DNAH9: variants seen among roughly 807,000 people sequenced by gnomAD.
DNAH9 encodes DNAH9 variant protein.
DNAH9 carries 345 observed loss-of-function variants against 471.6 expected under a neutral mutation model. The ratio of observed to expected loss-of-function variants is 0.73; its 90% CI spans 0.67 to 0.80. The LOEUF (loss-of-function observed/expected upper bound fraction) is 0.80. Ranked by LOEUF, DNAH9 falls within the 30% of genes least tolerant of loss-of-function variation. The probability of loss-of-function intolerance (pLI) is 0.00; values close to 1 mark genes in which losing one functional copy is unlikely to be tolerated. For missense variants in DNAH9, 5,407 were observed against 5,609.2 expected, an observed-to-expected ratio of 0.96 and a Z score of 1.15; for synonymous variants, 2,093 against 2,123.6, an observed-to-expected ratio of 0.99 and a Z score of 0.40.
At chr17:11,781,604 C>T (rs1968667401) in intron 39 of DNAH9, among the ~76,000 whole-genome samples, 1 of 151,926 alleles carries the variant, frequency 6.6e-6, no homozygotes, top group East Asian at 1.9e-4. Flanking sequence ...GAGGCTAAGG[C>T]GGGTGGATCA....
At chr17:11,668,669 A>G (rs1348257980) in intron 15 of DNAH9, among the ~76,000 whole-genome samples, 2 of 142,636 alleles carry the variant, frequency 1.4e-5, no homozygotes, top group South Asian at 2.2e-4. Context: ...CATCTCAAAA[A>G]AAAAAAAAAA....
At chr17:11,811,397 G>A (rs1037300457) in intron 45 of DNAH9, among the ~76,000 whole-genome samples, 3 of 152,106 alleles carry the variant, frequency 2.0e-5, no homozygotes, top group African/African-American at 7.2e-5. Flanking sequence ...CCCATCCTCT[G>A]ACCTATTCTC....
chr17:11,969,615 T>C lies in DNAH9; in HGVS notation c.*88T>C, dbSNP rs80324065. The stretch of plus-strand genomic sequence containing the variant: ...TGGGTGAAGGGTCACCACAGACACT[T>C]AGAACGGTAAGAAACCATGAGCACT... On this transcript the variant is annotated 3_prime_UTR_variant, in exon 69 of 69. Coordinates refer to ENST00000262442, the MANE Select transcript of DNAH9 (RefSeq NM_001372.4). The C allele has an allele frequency of 2.8e-3, 2,965 of 1,074,948 alleles. 59 individuals carry two copies. The African/African-American group carries it at 0.042, about 15-fold the overall frequency. 66.6% of individuals were successfully genotyped at this position (1,074,948 alleles called of 1,614,324 possible). A position where few individuals can be genotyped will look rare whatever the true frequency, so the allele number is the denominator to read the frequency against.
intron 43 of DNAH9, among the ~76,000 whole-genome samples, chr17:11,803,115 G>T (rs1969528729): frequency 6.6e-6 from 1 of 152,146 alleles, no homozygotes; most frequent in African/African-American, 2.4e-5. Flanking sequence ...TTGTGCTATT[G>T]CCTTATTTCC....
chr17:11,867,955 A>C lies in DNAH9; in HGVS notation c.9934-1179A>C, dbSNP rs186567418. On this transcript the variant is annotated intron_variant, in intron 50 of 68. Coordinates refer to ENST00000262442, the MANE Select transcript of DNAH9 (RefSeq NM_001372.4). ...CCTTCAATCACACCTGACATTTCTG[A>C]GATCTCCAGTTTGTATAGGGCTCTG... Among the ~76,000 whole-genome samples the C allele has an allele frequency of 2.7e-4, 41 of 152,256 alleles. No individual in the cohort carries two copies. In the South Asian group the frequency reaches 3.3e-3, roughly 12 times the overall value.
chr17:11,929,078 A>C (rs1974420223), intron 62 of DNAH9, among the ~76,000 whole-genome samples: 1 of 135,950 alleles, frequency 7.4e-6, no homozygotes, highest in South Asian at 2.4e-4. Context: ...TCTGTCGCCC[A>C]AGCTGGAGTG....
At chr17:11,873,785 G>A (rs1425770505) in intron 52 of DNAH9, among the ~76,000 whole-genome samples, 3 of 141,324 alleles carry the variant, frequency 2.1e-5, no homozygotes, top group African/African-American at 8.1e-5. Flanking sequence ...ATGGGATTTG[G>A]GGGTGATGAA....
At chr17:11,872,655 T>C (rs1972318390) in intron 52 of DNAH9, among the ~76,000 whole-genome samples, 1 of 152,064 alleles carries the variant, frequency 6.6e-6, no homozygotes, top group African/African-American at 2.4e-5. Context: ...GCGCGGTGGC[T>C]CACGCCTGTA....
chr17:11,924,666 T>C (rs1472058798), intron 62 of DNAH9, among the ~76,000 whole-genome samples: 3 of 136,828 alleles, frequency 2.2e-5, no homozygotes, highest in East Asian at 2.6e-4. Context: ...CTCTGTCGCC[T>C]AGGCTGGAGT....
chr17:11,719,347 C>T lies in DNAH9; in HGVS notation c.5566C>T (p.Leu1856Phe), dbSNP rs1171772582. The stretch of plus-strand genomic sequence containing the variant: ...CGTGTTTGGCAGGTGCTACATCACC[C>T]TCACCCAGTCCCTGCACCTGACCAT... ...TPLTDRCYIT[L>F]TQSLHLTMSG... Residue 1856 changes from leucine to phenylalanine, a missense_variant, in exon 27 of 69, where the codon CTC becomes TTC. Leu to Phe is a conservative substitution (Grantham distance 22). Transcript: ENST00000262442. 6.2e-7 allele frequency: 1 copy of T among 1,614,010 alleles called. No homozygotes were observed. Among genetic ancestry groups the T allele is most frequent in the Admixed American group, 1.7e-5 (1 of 60,012 alleles).
intron 50 of DNAH9, among the ~76,000 whole-genome samples, chr17:11,860,567 G>A (rs1003354056): frequency 5.3e-5 from 8 of 151,498 alleles, no homozygotes; most frequent in Middle Eastern, 3.5e-3. Context: ...TTTGTTGTTT[G>A]TTGTTTTTTT....
intron 49 of DNAH9, among the ~76,000 whole-genome samples, chr17:11,840,230 A>G (rs1476251324): frequency 2.0e-5 from 3 of 152,214 alleles, no homozygotes; most frequent in Non-Finnish European, 4.4e-5. Context: ...AGCCTAGAAG[A>G]CATTATGCTA....
chr17:11,943,758 C>G (rs1450825717), intron 67 of DNAH9, among the ~76,000 whole-genome samples: 1 of 152,124 alleles, frequency 6.6e-6, no homozygotes, highest in African/African-American at 2.4e-5. Flanking sequence ...CTCCACCGCA[C>G]CTCAACATGG....
chr17:11,668,396 G>A (rs2073911617), intron 15 of DNAH9, among the ~76,000 whole-genome samples: 1 of 152,180 alleles, frequency 6.6e-6, no homozygotes. Flanking sequence ...GCTGGGCGCG[G>A]TGGCTCATGC....
chr17:11,689,770 C>T lies in DNAH9; in HGVS notation c.3948C>T (p.Ile1316=). 2.5e-6 allele frequency: 4 copies of T among 1,614,210 alleles called. No homozygotes were observed. The highest frequency in any genetic ancestry group is 3.4e-6 in the Non-Finnish European group (4 of 1,180,032). Residue 1316 remains isoleucine (I), a synonymous_variant, in exon 20 of 69, where the codon ATC becomes ATT. Coordinates refer to ENST00000262442, the MANE Select transcript of DNAH9 (RefSeq NM_001372.4). ...WDTIGMVTSS[I]HAWETTPWRN... ...CCATTGGAATGGTGACCTCCAGCAT[C>T]CATGCCTGGGAGACCACACCCTGGA...
chr17:11,734,332 T>C (rs2075312322), intron 28 of DNAH9, among the ~76,000 whole-genome samples: 1 of 152,202 alleles, frequency 6.6e-6, no homozygotes, highest in African/African-American at 2.4e-5. Flanking sequence ...GCCTGGGTAA[T>C]TCTACAAAAT....
At chr17:11,878,640 C>T (rs190350557) in intron 53 of DNAH9, among the ~76,000 whole-genome samples, 75 of 152,248 alleles carry the variant, frequency 4.9e-4, no homozygotes, top group African/African-American at 1.5e-3. Flanking sequence ...CCTGCAGCCT[C>T]GACCTCCGGG....
chr17:11,794,036 A>ATTTTTTTT (rs35741238), intron 42 of DNAH9, among the ~76,000 whole-genome samples: 18 of 80,892 alleles, frequency 2.2e-4, no homozygotes, highest in African/African-American at 8.7e-4. Flanking sequence ...ATTTTGAGCA[A>ATTTTTTTT]TTTTTTTTTT....
At chr17:11,819,976 A>G (rs1213852881) in intron 45 of DNAH9, among the ~76,000 whole-genome samples, 1 of 152,124 alleles carries the variant, frequency 6.6e-6, no homozygotes, top group African/African-American at 2.4e-5. Flanking sequence ...CTCCTATATA[A>G]TGATAACAAG....
Sources: gnomAD v4.1 joint callset for allele counts (sites outside exome capture counted in the v4.1 genomes callset) on GRCh38, gnomAD v4.1.1 for gene constraint, MANE v1.5 for transcripts, NCBI Gene and HGNC (gene_info 2026-07-23, HGNC 2026-07-21) for gene names.